The following RUVBL1 variants were observed in gnomAD, a reference collection of about 807,000 sequenced individuals.
The protein encoded by RUVBL1 is ruvB-like 1.
RUVBL1 carries 4 observed loss-of-function variants against 52.4 expected under a neutral mutation model. The ratio of observed to expected loss-of-function variants is 0.08; its 90% CI spans 0.04 to 0.17. RUVBL1 has a LOEUF of 0.17. RUVBL1 is among the 10% of genes least tolerant of loss of function. The pLI is 1.00. For missense variants in RUVBL1, 298 were observed against 572.8 expected, an observed-to-expected ratio of 0.52 and a Z score of 4.90; for synonymous variants, 217 against 214.4, an observed-to-expected ratio of 1.01 and a Z score of -0.10.
At chr3:128,137,070 C>T (rs942961139) in intron 1 of RUVBL1, among the ~76,000 whole-genome samples, 19 of 152,034 alleles carry the variant, frequency 1.2e-4, no homozygotes, top group African/African-American at 3.4e-4. Context: ...GGATAGACCA[C>T]GTTAGGCCAC....
intron 7 of RUVBL1, among the ~76,000 whole-genome samples, chr3:128,098,639 T>G (rs1943040807): frequency 6.6e-6 from 1 of 152,206 alleles, no homozygotes; most frequent in Non-Finnish European, 1.5e-5. Flanking sequence ...AAATCCCTAT[T>G]TCTGGGGCCT....
chr3:128,115,378 T>A (rs1437397651), intron 2 of RUVBL1, among the ~76,000 whole-genome samples: 7 of 152,238 alleles, frequency 4.6e-5, no homozygotes, highest in Admixed American at 4.6e-4. Flanking sequence ...CTCCTTCTTC[T>A]AAAACCCAAA....
In RUVBL1 at chr3:128,149,144, GC is replaced by G. The variant is rs559469146; in HGVS notation, c.-40+4058del. Among the ~76,000 whole-genome samples the G allele has an allele frequency of 2.6e-4, 39 of 148,090 alleles. No individual in the cohort carries two copies. In the South Asian group the frequency reaches 6.5e-3, roughly 25 times the overall value. ...TCCTTTCTTTCTTTTCTTTTTGGTA[GC>G]TTTGTATCTGATATAATTTCTCTTC... On this transcript the variant is annotated intron_variant, in intron 1 of 9. Transcript: ENST00000464873.
chr3:128,140,740 C>G (rs1944009590), intron 1 of RUVBL1, among the ~76,000 whole-genome samples: 1 of 151,974 alleles, frequency 6.6e-6, no homozygotes, highest in Non-Finnish European at 1.5e-5. Context: ...ATATAAAAAC[C>G]TGATTAGAAA....
At chr3:128,111,332 T>C (rs1943389634) in intron 3 of RUVBL1, among the ~76,000 whole-genome samples, 1 of 152,004 alleles carries the variant, frequency 6.6e-6, no homozygotes, top group African/African-American at 2.4e-5. Context: ...GAACTGTGTC[T>C]ACAAAGATAA....
chr3:128,150,482 A>ATT (rs199708079), intron 1 of RUVBL1, among the ~76,000 whole-genome samples: 1,620 of 147,660 alleles, frequency 0.011, 21 homozygotes, highest in African/African-American at 0.038. Flanking sequence ...TATATATTCC[A>ATT]TTATATATAT....
At chr3:128,142,009 C>G (rs572893612) in intron 1 of RUVBL1, 24 of 152,320 alleles carry the variant, frequency 1.6e-4, no homozygotes, top group African/African-American at 5.8e-4. Context: ...AACAGTACCC[C>G]TAGGCACTCA....
Position 128,097,470 on chromosome 3 carries a change from C to T in RUVBL1, c.846G>A (p.Val282=), listed in dbSNP as rs1250356650. The stretch of plus-strand genomic sequence containing the variant: ...TGCCCTGGTCGATGTACTTGTTCAC[C>T]ACCTTATTAATCTCCCCTCGAAGTT... ...TDKLRGEINK[V]VNKYIDQGIA... Residue 282 remains valine, a synonymous_variant, in exon 8 of 11, where the codon GTG becomes GTA. Coordinates refer to ENST00000322623, the MANE Select transcript of RUVBL1 (RefSeq NM_003707.3). 6.2e-7 allele frequency: 1 copy of T among 1,614,174 alleles called. No individual in the cohort carries two copies. The highest frequency in any genetic ancestry group is 8.5e-7 in the Non-Finnish European group (1 of 1,180,030).
chr3:128,128,579 C>T (rs1943830967), upstream of RUVBL1, among the ~76,000 whole-genome samples: 1 of 152,226 alleles, frequency 6.6e-6, no homozygotes, highest in Non-Finnish European at 1.5e-5. Flanking sequence ...AGAGGACATA[C>T]TTCTTCCCTT....
chr3:128,112,919 C>T lies in RUVBL1; in HGVS notation c.330G>A (p.Glu110=). 6.2e-7 allele frequency: 1 copy of T among 1,614,118 alleles called. No individual in the cohort carries two copies. Among genetic ancestry groups the T allele is most frequent in the Non-Finnish European group, 8.5e-7 (1 of 1,180,034 alleles). The part of the protein sequence containing the change: ...EVYSTEIKKT[E]VLMENFRRAI... ...CCCTGCGGAAGTTCTCCATCAGCAC[C>T]TCTGTCTTCTTGATCTCAGTTGAGT... The change falls in exon 3 of 11, where the codon GAG becomes GAA. Residue 110 remains glutamate, a synonymous_variant. Transcript: ENST00000322623.
chr3:128,142,732 T>C (rs910389291), intron 1 of RUVBL1, among the ~76,000 whole-genome samples: 24 of 152,186 alleles, frequency 1.6e-4, no homozygotes, highest in African/African-American at 5.8e-4. Context: ...AAATGGCCAG[T>C]TGAGTCTTTC....
intron 8 of RUVBL1, among the ~76,000 whole-genome samples, chr3:128,088,414 T>C (rs1301968927): frequency 6.7e-6 from 1 of 148,692 alleles, no homozygotes; most frequent in Non-Finnish European, 1.5e-5. Flanking sequence ...AATTATATAG[T>C]ATAATATACA....
chr3:128,114,667 G>A (rs957340515), intron 2 of RUVBL1, among the ~76,000 whole-genome samples: 1 of 152,146 alleles, frequency 6.6e-6, no homozygotes, highest in African/African-American at 2.4e-5. Context: ...CATCCCCGTT[G>A]CCTGCCTCAT....
chr3:128,119,157 T>G (rs568775008), intron 2 of RUVBL1, among the ~76,000 whole-genome samples, 171 bp downstream of exon 2: 1 of 152,346 alleles, frequency 6.6e-6, no homozygotes, highest in South Asian at 2.1e-4. Flanking sequence ...ATAATTTGAA[T>G]TTTAGAAGCA....
At chr3:128,153,723 G>C in exon 1 of RUVBL1, 1 of 1,568,914 alleles carries the variant, frequency 6.4e-7, no homozygotes, top group Non-Finnish European at 8.6e-7. Flanking sequence ...CCGAGTTCCA[G>C]GCAGCGCCCG....
exon 1 of RUVBL1, chr3:128,153,205 A>G (rs1944280300): frequency 7.7e-7 from 1 of 1,303,076 alleles, no homozygotes; most frequent in Non-Finnish European, 9.7e-7. Context: ...CCACTCACCC[A>G]GAAAGTCCAA....
upstream of RUVBL1, among the ~76,000 whole-genome samples, chr3:128,126,771 TA>T (rs1381860121): frequency 6.6e-6 from 1 of 152,164 alleles, no homozygotes; most frequent in African/African-American, 2.4e-5. Flanking sequence ...ACAAGTCCAA[TA>T]AACAGCAAGT....
At chr3:128,134,936 G>A (rs1291637267) in intron 1 of RUVBL1, among the ~76,000 whole-genome samples, 1 of 152,038 alleles carries the variant, frequency 6.6e-6, no homozygotes, top group African/African-American at 2.4e-5. Flanking sequence ...TTAAAAGAAA[G>A]TAGAAAGAAA....
At chr3:128,066,815 T>TCGGAACTGGGAGCCC in intron 9 of RUVBL1, 1 of 736,604 alleles carries the variant, frequency 1.4e-6, no homozygotes, top group East Asian at 2.7e-5. Flanking sequence ...GCACAAGCTC[T>TCGGAACTGGGAGCCC]CGGAACTGGG....
Sources: allele counts gnomAD v4.1 joint callset (sites outside exome capture counted in the v4.1 genomes callset), GRCh38; gene constraint gnomAD v4.1.1; transcripts MANE v1.5; gene names NCBI Gene and HGNC (gene_info 2026-07-23, HGNC 2026-07-21).